The following SLC8A1 variants were observed in gnomAD, a reference collection of about 807,000 sequenced individuals.
The protein encoded by SLC8A1 is solute carrier family 8 member A1.
In SLC8A1, 18 loss-of-function variants were observed where a neutral mutation model predicts 68.3. That is an observed-to-expected ratio of 0.26 (90% CI 0.18 to 0.39). The LOEUF (loss-of-function observed/expected upper bound fraction) is 0.39, where lower values mean the gene tolerates loss of function less well. Ranked by LOEUF, SLC8A1 falls within the 10% of genes least tolerant of loss-of-function variation. SLC8A1 has a pLI of 1.00. For missense variants in SLC8A1, 985 were observed against 1,156.7 expected (o/e 0.85, Z 2.15); for synonymous variants, 475 against 415.5 (o/e 1.14, Z -1.74).
intron 2 of SLC8A1, among the ~76,000 whole-genome samples, chr2:40,256,358 C>T (rs1323243548): frequency 1.3e-5 from 2 of 152,002 alleles, no homozygotes; most frequent in Non-Finnish European, 2.9e-5. Flanking sequence ...GGCTCACTGG[C>T]CAAGATATAC....
chr2:40,425,661 T>C (rs1696661869), intron 2 of SLC8A1, among the ~76,000 whole-genome samples: 1 of 151,898 alleles, frequency 6.6e-6, no homozygotes, highest in African/African-American at 2.4e-5. Context: ...AGATTAACTA[T>C]GTAATTTGAT....
intron 2 of SLC8A1, among the ~76,000 whole-genome samples, chr2:40,361,570 C>G: frequency 6.6e-6 from 1 of 151,714 alleles, no homozygotes; most frequent in East Asian, 2.0e-4. Flanking sequence ...GGTGCCCCAT[C>G]AAGACAATCT....
At chr2:40,166,717 A>AAATT (rs1383667514) in intron 4 of SLC8A1, among the ~76,000 whole-genome samples, 3 of 152,258 alleles carry the variant, frequency 2.0e-5, no homozygotes, top group South Asian at 2.1e-4. Context: ...TCCAGCACTG[A>AAATT]AATTAATAAT....
chr2:40,323,526 C>T (rs2075455347), intron 2 of SLC8A1, among the ~76,000 whole-genome samples: 1 of 152,008 alleles, frequency 6.6e-6, no homozygotes, highest in Non-Finnish European at 1.5e-5. Context: ...TTTCAATCCC[C>T]AATTTAAATT....
At chr2:40,411,148 A>G (rs890252015) in intron 2 of SLC8A1, among the ~76,000 whole-genome samples, 11 of 152,076 alleles carry the variant, frequency 7.2e-5, no homozygotes, top group African/African-American at 1.9e-4. Context: ...GGTATTATCT[A>G]TGGCTCTGAA....
intron 2 of SLC8A1, among the ~76,000 whole-genome samples, chr2:40,420,971 G>GTAGC (rs1170597499): frequency 2.0e-5 from 3 of 152,088 alleles, no homozygotes; most frequent in African/African-American, 7.2e-5. Context: ...TCTAATAAGA[G>GTAGC]TAGCTACTTG....
chr2:40,279,171 G>C (rs1048026614), intron 2 of SLC8A1, among the ~76,000 whole-genome samples: 2 of 152,150 alleles, frequency 1.3e-5, no homozygotes, highest in East Asian at 1.9e-4. Flanking sequence ...CAAGACCATG[G>C]AGAATCCAGG....
intron 2 of SLC8A1, among the ~76,000 whole-genome samples, chr2:40,292,105 T>C (rs940717501): frequency 2.6e-5 from 4 of 152,048 alleles, no homozygotes; most frequent in African/African-American, 9.7e-5. Context: ...GTATTACAAG[T>C]GGTACAGTGG....
chr2:40,265,031 T>C (rs2065186117), intron 2 of SLC8A1, among the ~76,000 whole-genome samples: 1 of 152,208 alleles, frequency 6.6e-6, no homozygotes, highest in Non-Finnish European at 1.5e-5. Flanking sequence ...CTTTGGCTAA[T>C]GAAATGTAAA....
At chr2:40,489,279 A>C (rs771817546) in intron 1 of SLC8A1, among the ~76,000 whole-genome samples, 1 of 152,078 alleles carries the variant, frequency 6.6e-6, no homozygotes, top group Non-Finnish European at 1.5e-5. Flanking sequence ...GGTATAATCT[A>C]CCTCAAATTT....
intron 2 of SLC8A1, among the ~76,000 whole-genome samples, chr2:40,214,504 G>A (rs572836316): frequency 3.3e-5 from 5 of 150,536 alleles, no homozygotes; most frequent in South Asian, 2.1e-4. Context: ...GTGCAATGGC[G>A]CAATCTTGGC....
chr2:40,216,365 T>C (rs1195142918), intron 2 of SLC8A1, among the ~76,000 whole-genome samples: 1 of 152,246 alleles, frequency 6.6e-6, no homozygotes, highest in Non-Finnish European at 1.5e-5. Flanking sequence ...GAGTATTCCA[T>C]GGTGTATATG....
chr2:40,406,231 C>T (rs1160379427), intron 2 of SLC8A1, among the ~76,000 whole-genome samples: 1 of 152,148 alleles, frequency 6.6e-6, no homozygotes, highest in Non-Finnish European at 1.5e-5. Context: ...TATGATCTCC[C>T]TATAGAACAT....
chr2:40,324,509 G>A (rs1193724428), intron 2 of SLC8A1, among the ~76,000 whole-genome samples: 2 of 152,206 alleles, frequency 1.3e-5, no homozygotes, highest in South Asian at 2.1e-4. Flanking sequence ...TTATCACTAC[G>A]AAGGGAAATG....
chr2:40,170,215 T>C (rs375070270), intron 4 of SLC8A1, 66 bp downstream of exon 7: 773 of 1,397,344 alleles, frequency 5.5e-4, no homozygotes, highest in Middle Eastern at 1.6e-3. Context: ...TGCATGACTG[T>C]AATGTCTCTA....
intron 1 of SLC8A1, among the ~76,000 whole-genome samples, chr2:40,481,804 T>C (rs908602935): frequency 6.6e-6 from 1 of 152,198 alleles, no homozygotes; most frequent in African/African-American, 2.4e-5. Context: ...TCTTTAACAG[T>C]TCAGAACATT....
At chr2:40,417,895 A>ACACACACACACACAC (rs1559598725) in intron 2 of SLC8A1, among the ~76,000 whole-genome samples, 7 of 151,864 alleles carry the variant, frequency 4.6e-5, no homozygotes, top group Non-Finnish European at 5.9e-5. Flanking sequence ...ACACACACAC[A>ACACACACACACACAC]AGGTAAACGC....
intron 2 of SLC8A1, among the ~76,000 whole-genome samples, chr2:40,179,798 C>G (rs2049116586): frequency 6.6e-6 from 1 of 152,078 alleles, no homozygotes; most frequent in Admixed American, 6.5e-5. Context: ...GTCTTCTTTC[C>G]TAATATGAAG....
At chr2:40,415,468 AAACC>A (rs1271483033) in intron 2 of SLC8A1, among the ~76,000 whole-genome samples, 1 of 151,758 alleles carries the variant, frequency 6.6e-6, no homozygotes, top group Non-Finnish European at 1.5e-5. Flanking sequence ...TTTGACTAGC[AAACC>A]ACTGGAGTTG....
Sources: gnomAD v4.1 joint callset for allele counts (sites outside exome capture counted in the v4.1 genomes callset) on GRCh38, gnomAD v4.1.1 for gene constraint, MANE v1.5 for transcripts, NCBI Gene and HGNC (gene_info 2026-07-23, HGNC 2026-07-21) for gene names.